The following CFAP210 variants were observed in gnomAD, a reference collection of about 807,000 sequenced individuals.
CFAP210 encodes cilia and flagella associated protein 210.
chr2:169,650,575 G>A, the CFAP210 span: 2 of 1,350,840 alleles, frequency 1.5e-6, no homozygotes, highest in Non-Finnish European at 1.9e-6. Flanking sequence ...GTCCAATGGA[G>A]CCAACATAAT....
chr2:169,675,072 C>A, the CFAP210 span: 2 of 1,397,632 alleles, frequency 1.4e-6, no homozygotes, highest in Non-Finnish European at 1.9e-6. Context: ...TTTTTGTTTT[C>A]ATTTTTCAAT....
chr2:169,682,875 TG>T, the CFAP210 span, among the ~76,000 whole-genome samples: 1 of 152,134 alleles, frequency 6.6e-6, no homozygotes, highest in Non-Finnish European at 1.5e-5. Context: ...AATTGCAAAA[TG>T]GGGTCATTAA....
At chr2:169,680,916 T>G in the CFAP210 span, 1 of 1,067,964 alleles carries the variant, frequency 9.4e-7, no homozygotes, top group East Asian at 2.4e-5. Context: ...AAATTTTACA[T>G]GTAAAAAAAT....
At chr2:169,676,346 C>T in the CFAP210 span, among the ~76,000 whole-genome samples, 6 of 149,212 alleles carry the variant, frequency 4.0e-5, no homozygotes, top group Non-Finnish European at 5.9e-5. Flanking sequence ...TAAAGCGTTA[C>T]ATGTGCTACT....
At chr2:169,673,903 C>T in the CFAP210 span, among the ~76,000 whole-genome samples, 1 of 152,080 alleles carries the variant, frequency 6.6e-6, no homozygotes, top group African/African-American at 2.4e-5. Flanking sequence ...AAAAAAAACT[C>T]TGCATGGCTA....
At chr2:169,690,251 A>G in the CFAP210 span, among the ~76,000 whole-genome samples, 1 of 152,332 alleles carries the variant, frequency 6.6e-6, no homozygotes, top group African/African-American at 2.4e-5. Flanking sequence ...TCTTTGTCTG[A>G]TGTTGGTATC....
At chr2:169,680,988 C>T in the CFAP210 span, 1 of 1,600,882 alleles carries the variant, frequency 6.2e-7, no homozygotes, top group Admixed American at 1.7e-5. Flanking sequence ...ATGTGTACTC[C>T]TGGATGGTTA....
the CFAP210 span, among the ~76,000 whole-genome samples, chr2:169,662,014 T>C: frequency 6.6e-6 from 1 of 152,196 alleles, no homozygotes; most frequent in African/African-American, 2.4e-5. Context: ...TAGTGTTTGA[T>C]AGCCTAGTGG....
the CFAP210 span, among the ~76,000 whole-genome samples, chr2:169,688,212 T>C: frequency 2.0e-5 from 3 of 152,234 alleles, no homozygotes; most frequent in Non-Finnish European, 4.4e-5. Context: ...TGGAGACATT[T>C]TCCCCATGGT....
At chr2:169,650,403 C>T in the CFAP210 span, 1 of 1,601,178 alleles carries the variant, frequency 6.2e-7, no homozygotes, top group South Asian at 1.1e-5. Flanking sequence ...TCTCTTTTTT[C>T]CCATTCAGCC....
the CFAP210 span, among the ~76,000 whole-genome samples, chr2:169,677,186 G>C: frequency 1.3e-5 from 2 of 152,146 alleles, no homozygotes; most frequent in Non-Finnish European, 2.9e-5. Flanking sequence ...TCACAGTTTC[G>C]AGTACTCTGG....
At chr2:169,648,162 CAAAAAAAAAAA>C in the CFAP210 span, 127 of 101,692 alleles carry the variant, frequency 1.2e-3, no homozygotes, top group East Asian at 4.4e-3. Flanking sequence ...AACTCTGTCT[CAAAAAAAAAAA>C]AAAAAAAAAA....
At chr2:169,667,138 TTTTC>T in the CFAP210 span, among the ~76,000 whole-genome samples, 559 of 114,764 alleles carry the variant, frequency 4.9e-3, 20 homozygotes, top group African/African-American at 0.013. Flanking sequence ...AAATTTTCTT[TTTTC>T]TTTTTTTTTT....
chr2:169,663,911 G>C, the CFAP210 span, among the ~76,000 whole-genome samples: 2 of 151,894 alleles, frequency 1.3e-5, no homozygotes, highest in South Asian at 4.1e-4. Context: ...GAACATGTCT[G>C]GGCGCAGTGG....
At chr2:169,686,048 C>T in the CFAP210 span, among the ~76,000 whole-genome samples, 1 of 152,086 alleles carries the variant, frequency 6.6e-6, no homozygotes, top group Non-Finnish European at 1.5e-5. Context: ...CTCTATGTAG[C>T]CCTGGCTGGA....
At chr2:169,670,143 G>C in the CFAP210 span, among the ~76,000 whole-genome samples, 44 of 152,152 alleles carry the variant, frequency 2.9e-4, no homozygotes, top group Admixed American at 1.2e-3. Flanking sequence ...CTATGTGTCT[G>C]TTCCTAGAGG....
chr2:169,683,560 G>C, the CFAP210 span, among the ~76,000 whole-genome samples: 1 of 152,160 alleles, frequency 6.6e-6, no homozygotes, highest in Admixed American at 6.5e-5. Context: ...TCTGACCCAA[G>C]AGTCATTCTA....
the CFAP210 span, chr2:169,650,469 T>C: frequency 6.2e-7 from 1 of 1,601,554 alleles, no homozygotes; most frequent in Admixed American, 1.7e-5. Context: ...AGTTTCTCTT[T>C]CAACAGTTCA....
the CFAP210 span, among the ~76,000 whole-genome samples, chr2:169,679,680 C>CAAAAAA: frequency 7.0e-5 from 4 of 57,472 alleles, no homozygotes; most frequent in African/African-American, 2.1e-4. Flanking sequence ...GACTCCATCT[C>CAAAAAA]AAAAAAAAAA....
Sources: gnomAD v4.1 joint callset for allele counts (sites outside exome capture counted in the v4.1 genomes callset) on GRCh38, gnomAD v4.1.1 for gene constraint, MANE v1.5 for transcripts, NCBI Gene and HGNC (gene_info 2026-07-23, HGNC 2026-07-21) for gene names.